The following DOCK6 variants were observed in gnomAD, a reference collection of about 807,000 sequenced individuals.
DOCK6 encodes the protein dedicator of cytokinesis 6, also known as dedicator of cytokinesis protein 6.
DOCK6 carries 167 observed loss-of-function variants against 230.3 expected under a neutral mutation model. The observed-to-expected ratio is 0.73, with a 90% CI of 0.64 to 0.82. DOCK6 has a LOEUF of 0.82. Ranked by LOEUF, DOCK6 falls within the 40% of genes least tolerant of loss-of-function variation. DOCK6 has a pLI of 0.00. For synonymous variants in DOCK6, 1,148 were observed against 1,185.0 expected (o/e 0.97, Z 0.64); for missense variants, 2,598 against 2,825.8 (o/e 0.92, Z 1.83).
At chr19:11,219,025 C>T (rs12610628) in intron 28 of DOCK6, among the ~76,000 whole-genome samples, 7,863 of 147,224 alleles carry the variant, frequency 0.053, 280 homozygotes, top group Middle Eastern at 0.11. Flanking sequence ...ACTGCAGGTG[C>T]GTGCCACCAT....
At position 11,222,941 on chromosome 19, in the gene DOCK6, T is replaced by G; in HGVS notation, c.3070-36A>C. 6.2e-7 allele frequency: 1 copy of G among 1,613,018 alleles called. No homozygotes were observed. The highest frequency in any genetic ancestry group is 1.1e-5 in the South Asian group (1 of 90,970). On this transcript the variant is annotated intron_variant, in intron 25 of 47. Transcript: ENST00000294618. This position sits in a 1 kb window ranked among gnomAD's most constrained non-coding sequence, Gnocchi z 4.0. ...GGGGTGGCCATCAGTGATGTCAACA[T>G]TGCTCCGCCTTCCATCCATGCCATG...
chr19:11,199,960 C>A (rs147689116), intron 47 of DOCK6, among the ~76,000 whole-genome samples: 1,773 of 152,118 alleles, frequency 0.012, 38 homozygotes, highest in African/African-American at 0.04. Flanking sequence ...ACCAGTCTGG[C>A]CAACATGGTG....
intron 24 of DOCK6, among the ~76,000 whole-genome samples, chr19:11,225,133 C>T (rs1424477852): frequency 6.6e-6 from 1 of 151,918 alleles, no homozygotes; most frequent in East Asian, 1.9e-4. Context: ...GAGGCTGAGG[C>T]AGGAGAATTG....
intron 1 of DOCK6, among the ~76,000 whole-genome samples, chr19:11,255,777 A>T (rs1464745919): frequency 6.6e-6 from 1 of 151,760 alleles, no homozygotes; most frequent in African/African-American, 2.4e-5. Context: ...TTCCCTGTGT[A>T]ATTGTAAATT....
chr19:11,261,845 C>CG (rs1367334927), intron 1 of DOCK6, among the ~76,000 whole-genome samples: 1 of 151,820 alleles, frequency 6.6e-6, no homozygotes, highest in Non-Finnish European at 1.5e-5. Context: ...TCCCCCTTCC[C>CG]CCCCCCCGAC....
Position 11,237,659 on chromosome 19 carries a change from C to T in DOCK6, c.1953G>A (p.Glu651=). The T allele has an allele frequency of 6.3e-7, 1 of 1,598,266 alleles. No homozygotes were observed. Among genetic ancestry groups the T allele is most frequent in the Non-Finnish European group, 8.5e-7 (1 of 1,173,110 alleles). Reference sequence around the variant, plus strand: ...GGCTCACAGTAAAGCCCACGGGTGTCTCCAGGGCAGTGCCCGGCCGGGGCT... The same window carrying T: ...GGCTCACAGTAAAGCCCACGGGTGTTTCCAGGGCAGTGCCCGGCCGGGGCT... The part of the protein sequence containing the change: ...SCQPRPGTAL[E]TPVGFTWIPL... The change falls in exon 17 of 48, where the codon GAG becomes GAA. Residue 651 remains glutamate, a synonymous_variant. Coordinates refer to ENST00000294618, the MANE Select transcript of DOCK6 (RefSeq NM_020812.4).
At chr19:11,223,586 G>A (rs1421794835) in intron 24 of DOCK6, among the ~76,000 whole-genome samples, 1 of 152,102 alleles carries the variant, frequency 6.6e-6, no homozygotes, top group Non-Finnish European at 1.5e-5. Flanking sequence ...GTGTTGAAGC[G>A]AATTAGCCTC....
intron 7 of DOCK6, among the ~76,000 whole-genome samples, chr19:11,246,276 T>C (rs543609575): frequency 1.1e-4 from 17 of 151,710 alleles, no homozygotes; most frequent in Non-Finnish European, 1.9e-4. Flanking sequence ...ATGTATGTAT[T>C]TATTTATTAT....
At chr19:11,246,011 G>T in intron 7 of DOCK6, 133 bp from the exon 8 acceptor site, 1 of 997,228 alleles carries the variant, frequency 1.0e-6, no homozygotes, top group Non-Finnish European at 1.5e-6. Flanking sequence ...TTAAGGGCTT[G>T]CAGAAAAGGT....
intron 28 of DOCK6, among the ~76,000 whole-genome samples, chr19:11,218,009 A>G (rs2147770018): frequency 6.6e-6 from 1 of 151,224 alleles, no homozygotes; most frequent in Admixed American, 6.6e-5. Context: ...CCGCCACCAC[A>G]CCCGGCTAAT....
rs1241706716 is a variant in DOCK6, at chr19:11,259,784, T to C, written c.44+2613A>G. ...TTTTAGTAGAGACGGAGTTTCACCA[T>C]GTTGGCCAGGCTGGTCTCGAACTCC... On this transcript the variant is annotated intron_variant, in intron 1 of 47. Transcript: ENST00000294618. 2.6e-5 allele frequency among the ~76,000 whole-genome samples: 4 copies of C among 151,618 alleles called. No homozygotes were observed. In the East Asian group the frequency reaches 7.7e-4, roughly 29 times the overall value.
At chr19:11,217,175 A>G (rs373777367) in intron 29 of DOCK6, 56 bp downstream of exon 29, 4 of 1,599,358 alleles carry the variant, frequency 2.5e-6, no homozygotes, top group South Asian at 2.2e-5. Context: ...ATCTTGATAC[A>G]TGACTTCTCT....
In DOCK6 at chr19:11,217,346, T is replaced by A; in HGVS notation, c.3596A>T (p.Asp1199Val). 1.2e-6 allele frequency: 2 copies of A among 1,613,562 alleles called. No homozygotes were observed. Among genetic ancestry groups the A allele is most frequent in the Non-Finnish European group, 1.7e-6 (2 of 1,179,778 alleles). The stretch of plus-strand genomic sequence containing the variant: ...CGCAATGTCCCCTTCGCCTTCTGTG[T>A]CTGAGTCAAGCATTGAGGCCAGTCT... ...RSRLASMLDS[D>V]TEGEGDIAGT... The change falls in exon 29 of 48, where the codon GAC becomes GTC. Residue 1199 changes from aspartate to valine, a missense_variant. Physicochemically the swap from Asp to Val is radical, Grantham distance 152. Coordinates refer to ENST00000294618, the MANE Select transcript of DOCK6 (RefSeq NM_020812.4).
At position 11,215,422 on chromosome 19, in the gene DOCK6, G is replaced by C. The variant is rs1234601316; in HGVS notation, c.4071C>G (p.Val1357=). The change falls in exon 32 of 48, where the codon GTC becomes GTG. Residue 1357 remains valine (V), a synonymous_variant. Transcript: ENST00000294618. ...NPENVRWRKS[V]THWKQTSDRV... ...GGTCTGAGGTTTGCTTCCAGTGTGT[G>C]ACGCTCTTCCGCCAGCGCACATTCT... 2 of 1,613,804 alleles carry C rather than the reference G, an allele frequency of 1.2e-6. No individual in the cohort carries two copies.
At chr19:11,232,089 G>A in intron 22 of DOCK6, 1 of 920,814 alleles carries the variant, frequency 1.1e-6, no homozygotes, top group South Asian at 1.6e-5. Flanking sequence ...CCTCCTTCAG[G>A]CAGCCCCCCT....
chr19:11,251,759 C>T (rs1436144349), intron 5 of DOCK6: 1 of 159,678 alleles, frequency 6.3e-6, no homozygotes, highest in Non-Finnish European at 1.4e-5. Flanking sequence ...ATAATGAAAA[C>T]AACAATAATC....
At chr19:11,228,498 G>A (rs115716512) in intron 23 of DOCK6, among the ~76,000 whole-genome samples, 1 of 144,440 alleles carries the variant, frequency 6.9e-6, no homozygotes, top group Admixed American at 7.3e-5. Flanking sequence ...CCTAGGTTGT[G>A]GGGGGGGGTC....
At chr19:11,226,956 C>A (rs1240067826) in intron 24 of DOCK6, among the ~76,000 whole-genome samples, 3 of 152,150 alleles carry the variant, frequency 2.0e-5, no homozygotes, top group Non-Finnish European at 4.4e-5. Flanking sequence ...TCACTACAAT[C>A]TAGCCATCCT....
rs1280692576 is a variant in DOCK6, at chr19:11,227,428, G to T, written c.2864C>A (p.Pro955His). The T allele has an allele frequency of 1.9e-6, 3 of 1,612,066 alleles. No homozygotes were observed. The East Asian group carries it at 6.7e-5, about 36-fold the overall frequency. Residue 955 changes from proline (P) to histidine (H), a missense_variant, in exon 24 of 48, where the codon CCC (proline) becomes CAC (histidine). Pro to His is a moderately conservative substitution (Grantham distance 77, BLOSUM62 -2). Transcript: ENST00000294618. The part of the protein sequence containing the change: ...HLLLGQRLDT[P>H]RKLRFPGRFL... ...GCGTCCGGGGAAGCGCAGCTTGCGG[G>T]GTGTGTCTAGTCGCTGGCCAAGCAG...
Sources: gnomAD v4.1 joint callset for allele counts (sites outside exome capture counted in the v4.1 genomes callset) on GRCh38, gnomAD v4.1.1 for gene constraint, Gnocchi (gnomAD v3.1) non-coding constraint, MANE v1.5 for transcripts, NCBI Gene and HGNC (gene_info 2026-07-23, HGNC 2026-07-21) for gene names.